The following FYB1 variants were observed in gnomAD, a reference collection of about 807,000 sequenced individuals.
The protein encoded by FYB1 is FYN-binding protein 1.
Under a neutral mutation model 94.1 loss-of-function variants are expected in FYB1, and 41 were observed. The ratio of observed to expected loss-of-function variants is 0.44; its 90% CI spans 0.34 to 0.57. FYB1 has a LOEUF of 0.57. Ranked by LOEUF, FYB1 falls within the 20% of genes least tolerant of loss-of-function variation. The pLI is 0.02. For synonymous variants in FYB1, 367 were observed against 353.2 expected (o/e 1.04, Z -0.44); for missense variants, 1,050 against 976.8 (o/e 1.07, Z -1.00).
intron 1 of FYB1, among the ~76,000 whole-genome samples, chr5:39,232,201 T>C (rs1012378686): frequency 6.6e-6 from 1 of 152,112 alleles, no homozygotes; most frequent in African/African-American, 2.4e-5. Context: ...CCAATCTCCT[T>C]CAGGAGTCAG....
At chr5:39,156,710 C>A (rs963938152) in intron 2 of FYB1, among the ~76,000 whole-genome samples, 1 of 152,088 alleles carries the variant, frequency 6.6e-6, no homozygotes, top group Admixed American at 6.6e-5. Flanking sequence ...TAAGGAAAAG[C>A]ATCTTAGTTT....
chr5:39,140,778 T>G (rs1181298416), intron 4 of FYB1, among the ~76,000 whole-genome samples: 3 of 152,240 alleles, frequency 2.0e-5, no homozygotes, highest in Non-Finnish European at 4.4e-5. Flanking sequence ...CACATTATGC[T>G]GATTGTACAA....
intron 2 of FYB1, among the ~76,000 whole-genome samples, chr5:39,181,678 A>T (rs953727155): frequency 1.3e-5 from 2 of 152,072 alleles, no homozygotes; most frequent in African/African-American, 4.8e-5. Flanking sequence ...CTCTCTCAAA[A>T]CCTGTGACCC....
intron 2 of FYB1, among the ~76,000 whole-genome samples, chr5:39,157,160 A>G (rs1743835068): frequency 6.6e-6 from 1 of 152,184 alleles, no homozygotes. Flanking sequence ...AAACTTGGCC[A>G]GAATTTGAAC....
chr5:39,122,503 TA>T (rs1328758198), intron 13 of FYB1, 101 bp from the exon 14 acceptor site: 7 of 706,908 alleles, frequency 9.9e-6, no homozygotes, highest in Non-Finnish European at 1.7e-5. Context: ...TCAAGGACAA[TA>T]AAATAAGTTG....
chr5:39,245,826 C>T (rs1287585034), intron 1 of FYB1, among the ~76,000 whole-genome samples: 1 of 152,178 alleles, frequency 6.6e-6, no homozygotes, highest in East Asian at 1.9e-4. Context: ...TCTCGAACTC[C>T]TGACTTCAGG....
chr5:39,223,736 T>A (rs1488401940), upstream of FYB1, among the ~76,000 whole-genome samples: 1 of 152,206 alleles, frequency 6.6e-6, no homozygotes, highest in African/African-American at 2.4e-5. Context: ...TGCAGCTCTG[T>A]TGTGCAATAC....
intron 1 of FYB1, among the ~76,000 whole-genome samples, chr5:39,245,473 A>G (rs1307803750): frequency 1.3e-5 from 2 of 152,152 alleles, no homozygotes; most frequent in Admixed American, 6.6e-5. Context: ...AGAATTCACT[A>G]TTGTTTCACA....
At chr5:39,193,179 C>T (rs144887440) in intron 2 of FYB1, among the ~76,000 whole-genome samples, 30 of 152,228 alleles carry the variant, frequency 2.0e-4, no homozygotes, top group Non-Finnish European at 3.8e-4. Flanking sequence ...TGAGCATGGT[C>T]CAGAGAGCAT....
At chr5:39,236,077 C>T (rs1273532806) in intron 1 of FYB1, among the ~76,000 whole-genome samples, 1 of 151,772 alleles carries the variant, frequency 6.6e-6, no homozygotes. Context: ...TTTTAGTTTT[C>T]TAAACCTCTC....
At chr5:39,204,270 G>A (rs1234030176) in intron 1 of FYB1, among the ~76,000 whole-genome samples, 1 of 152,100 alleles carries the variant, frequency 6.6e-6, no homozygotes, top group Non-Finnish European at 1.5e-5. Flanking sequence ...CATGTGCTTT[G>A]TTCTATATCA....
At chr5:39,107,544 G>A in intron 18 of FYB1, 79 bp from the exon 19 acceptor site, 1 of 923,748 alleles carries the variant, frequency 1.1e-6, no homozygotes, top group Non-Finnish European at 1.6e-6. Context: ...AAATGTGGGT[G>A]ATTCATACTC....
intron 2 of FYB1, among the ~76,000 whole-genome samples, chr5:39,184,995 G>A (rs182876759): frequency 2.6e-5 from 4 of 152,248 alleles, no homozygotes; most frequent in East Asian, 1.9e-4. Context: ...AGTACTGTAA[G>A]TGAAAACAAT....
chr5:39,250,530 T>C (rs189505819), intron 1 of FYB1: 15 of 152,332 alleles, frequency 9.8e-5, no homozygotes, highest in Admixed American at 9.8e-4. Flanking sequence ...ACCATCAAAG[T>C]GTCTGGAACC....
At chr5:39,147,520 A>G (rs1037527699) in intron 3 of FYB1, among the ~76,000 whole-genome samples, 2 of 151,398 alleles carry the variant, frequency 1.3e-5, no homozygotes, top group Non-Finnish European at 1.5e-5. Flanking sequence ...AAAATACAAT[A>G]TAACTTTGGC....
chr5:39,214,759 C>T (rs193226895), intron 1 of FYB1, among the ~76,000 whole-genome samples: 3 of 152,158 alleles, frequency 2.0e-5, no homozygotes, highest in African/African-American at 7.2e-5. Context: ...GAAAACCCAT[C>T]TCTACTAAAA....
At chr5:39,108,828 G>C (rs1738783955) in intron 17 of FYB1, among the ~76,000 whole-genome samples, 1 of 151,936 alleles carries the variant, frequency 6.6e-6, no homozygotes, top group Admixed American at 6.6e-5. Context: ...TATGATTATA[G>C]GCAGCATCCA....
intron 1 of FYB1, among the ~76,000 whole-genome samples, chr5:39,237,098 C>T (rs755652482): frequency 6.6e-6 from 1 of 152,014 alleles, no homozygotes; most frequent in Non-Finnish European, 1.5e-5. Context: ...GTAAGTTGGG[C>T]CCAAATAATC....
chr5:39,217,666 A>T (rs1220992368), intron 1 of FYB1, among the ~76,000 whole-genome samples: 1 of 152,096 alleles, frequency 6.6e-6, no homozygotes, highest in Non-Finnish European at 1.5e-5. Flanking sequence ...CGTGGCAGAG[A>T]CCACCTTCAA....
Sources: allele counts gnomAD v4.1 joint callset (sites outside exome capture counted in the v4.1 genomes callset), GRCh38; gene constraint gnomAD v4.1.1; transcripts MANE v1.5; gene names NCBI Gene and HGNC (gene_info 2026-07-23, HGNC 2026-07-21).